The following DZIP1 variants were observed in gnomAD, a reference collection of about 807,000 sequenced individuals.
The protein encoded by DZIP1 is DAZ interacting zinc finger protein 1, also known as cilium assembly protein DZIP1.
DZIP1 carries 97 observed loss-of-function variants against 107.6 expected under a neutral mutation model. The ratio of observed to expected loss-of-function variants is 0.90; its 90% CI spans 0.77 to 1.07. DZIP1 has a LOEUF of 1.07. DZIP1 is among the 50% of genes least tolerant of loss of function. DZIP1 has a pLI of 0.00. For missense variants in DZIP1, 1,035 were observed against 1,063.6 expected (o/e 0.97, Z 0.37); for synonymous variants, 390 against 386.4 (o/e 1.01, Z -0.11).
chr13:95,631,942 C>T (rs1877245169), intron 6 of DZIP1, among the ~76,000 whole-genome samples: 1 of 152,232 alleles, frequency 6.6e-6, no homozygotes, highest in African/African-American at 2.4e-5. Context: ...CGTCCATTGT[C>T]AGTCTTCATC....
intron 8 of DZIP1, among the ~76,000 whole-genome samples, chr13:95,622,987 A>G (rs956035967): frequency 6.6e-6 from 1 of 152,032 alleles, no homozygotes; most frequent in African/African-American, 2.4e-5. Flanking sequence ...TCACACAACA[A>G]TCTGCCTACC....
chr13:95,604,163 C>A (rs1286635932), intron 14 of DZIP1, among the ~76,000 whole-genome samples: 1 of 152,262 alleles, frequency 6.6e-6, no homozygotes, highest in African/African-American at 2.4e-5. Flanking sequence ...GCACCCCCAC[C>A]TCCCACCTGT....
In DZIP1 at chr13:95,590,480, G is replaced by A. The variant is rs1351327132; in HGVS notation, c.1681-39C>T. The A allele has an allele frequency of 3.8e-6, 6 of 1,568,198 alleles. No individual in the cohort carries two copies. In the South Asian group the frequency reaches 7.3e-5, roughly 19 times the overall value. ...ATGTTAAGTTGGCCAGTTATCCTGG[G>A]AGGTTTCATTTCATGGGCATATATC... On this transcript the variant is annotated intron_variant, in intron 16 of 22. Transcript: ENST00000376829.
At chr13:95,635,794 G>A (rs978540697) in intron 5 of DZIP1, among the ~76,000 whole-genome samples, 4 of 152,074 alleles carry the variant, frequency 2.6e-5, no homozygotes, top group African/African-American at 7.2e-5. Flanking sequence ...ACTGCAATAC[G>A]GCCACTCTAT....
At chr13:95,620,835 AT>A (rs1181546963) in intron 9 of DZIP1, among the ~76,000 whole-genome samples, 4 of 152,154 alleles carry the variant, frequency 2.6e-5, no homozygotes, top group African/African-American at 2.4e-5. Context: ...GGACCTTAGG[AT>A]TTTAGAGCCA....
intron 20 of DZIP1, among the ~76,000 whole-genome samples, chr13:95,586,721 A>C (rs941170574): frequency 1.3e-5 from 2 of 151,456 alleles, no homozygotes; most frequent in Non-Finnish European, 2.9e-5. Flanking sequence ...AAATATAATA[A>C]ATTACACACA....
chr13:95,595,043 T>C (rs1469276318), intron 15 of DZIP1, among the ~76,000 whole-genome samples: 2 of 152,218 alleles, frequency 1.3e-5, no homozygotes, highest in African/African-American at 4.8e-5. Flanking sequence ...CTGGGAGAAA[T>C]GTGACAACTA....
chr13:95,638,774 A>T (rs1237600816), intron 5 of DZIP1, among the ~76,000 whole-genome samples: 1 of 152,072 alleles, frequency 6.6e-6, no homozygotes, highest in Non-Finnish European at 1.5e-5. Flanking sequence ...TGTCTCAGCT[A>T]CTCAGTTCTT....
chr13:95,644,041 C>T (rs569772361), intron 1 of DZIP1, among the ~76,000 whole-genome samples: 4 of 151,442 alleles, frequency 2.6e-5, no homozygotes, highest in Admixed American at 6.6e-5. Flanking sequence ...CACAAGATGG[C>T]CGGAACAGGA....
At chr13:95,586,641 T>C (rs1280411302) in intron 20 of DZIP1, among the ~76,000 whole-genome samples, 1 of 151,554 alleles carries the variant, frequency 6.6e-6, no homozygotes, top group African/African-American at 2.4e-5. Context: ...TGAATTATAT[T>C]TTATCTAATT....
At chr13:95,614,657 T>C (rs1874816614) in intron 10 of DZIP1, among the ~76,000 whole-genome samples, 1 of 152,144 alleles carries the variant, frequency 6.6e-6, no homozygotes, top group South Asian at 2.1e-4. Context: ...GCCCATTTTC[T>C]GTGATCCCAT....
At chr13:95,638,636 A>AACACACACACACAC (rs3051404) in intron 5 of DZIP1, among the ~76,000 whole-genome samples, 1 of 149,778 alleles carries the variant, frequency 6.7e-6, no homozygotes, top group Non-Finnish European at 1.5e-5. Flanking sequence ...CCTTATACAC[A>AACACACACACACAC]ACACACACAC....
At chr13:95,612,773 C>T (rs530843966) in intron 10 of DZIP1, among the ~76,000 whole-genome samples, 9 of 152,084 alleles carry the variant, frequency 5.9e-5, no homozygotes, top group African/African-American at 1.9e-4. Context: ...TTAGTAGAGG[C>T]GGGGTTTCAC....
rs1291880131 is a variant in DZIP1, at chr13:95,580,615, C to T, written c.*1619G>A. On this transcript the variant is annotated 3_prime_UTR_variant, in exon 23 of 23. Transcript: ENST00000376829. ...TTTAGGATGAGGATTATAACAATAA[C>T]TACATCGCAAAGTTGTTGTAATTAA... The T allele has an allele frequency of 6.6e-6, 1 of 152,144 alleles. No homozygotes were observed. The highest frequency in any genetic ancestry group is 6.5e-5 in the Admixed American group (1 of 15,284). 9.4% of individuals were successfully genotyped at this position (152,144 alleles called of 1,614,324 possible).
At chr13:95,608,868 C>G (rs1056139377) in intron 13 of DZIP1, among the ~76,000 whole-genome samples, 2 of 152,242 alleles carry the variant, frequency 1.3e-5, no homozygotes, top group African/African-American at 4.8e-5. Context: ...AGTCAGATCC[C>G]TGTGCACATG....
At chr13:95,626,937 C>T (rs112895840) in intron 7 of DZIP1, among the ~76,000 whole-genome samples, 130 of 152,314 alleles carry the variant, frequency 8.5e-4, no homozygotes, top group African/African-American at 2.2e-3. Flanking sequence ...AATGGCAATA[C>T]TCTCCTAAGC....
At chr13:95,588,150 T>A (rs1238479074) in intron 19 of DZIP1, 1 of 154,374 alleles carries the variant, frequency 6.5e-6, no homozygotes, top group Non-Finnish European at 1.4e-5. Context: ...ATCTCATTTG[T>A]ATTATCACAT....
chr13:95,628,204 A>G (rs1364615124), intron 7 of DZIP1, among the ~76,000 whole-genome samples: 1 of 152,048 alleles, frequency 6.6e-6, no homozygotes, highest in African/African-American at 2.4e-5. Context: ...CACCACACTT[A>G]GCTAATTTTT....
In DZIP1 at chr13:95,644,511, AGGCC is replaced by A. The variant is rs1189741111; in HGVS notation, c.-664_-661del. On this transcript the variant is annotated 5_prime_UTR_variant, in exon 1 of 23. Coordinates refer to ENST00000376829, the MANE Select transcript of DZIP1 (RefSeq NM_198968.4). ...GAGGAGCAGCAAAGCGGAGAGAGGCAGGCCGGCTCCTTCTTGCAGGGCGCAGGAT... is the reference window on the plus strand; with the variant it reads ...GAGGAGCAGCAAAGCGGAGAGAGGCAGGCTCCTTCTTGCAGGGCGCAGGAT... 1.2e-4 allele frequency: 18 copies of A among 152,932 alleles called. No homozygotes were observed. The highest frequency in any genetic ancestry group is 4.1e-4 in the African/African-American group (17 of 41,464). 9.5% of individuals were successfully genotyped at this position (152,932 alleles called of 1,614,324 possible).
Sources: allele counts gnomAD v4.1 joint callset (sites outside exome capture counted in the v4.1 genomes callset), GRCh38; gene constraint gnomAD v4.1.1; transcripts MANE v1.5; gene names NCBI Gene and HGNC (gene_info 2026-07-23, HGNC 2026-07-21).